SORCS2: variants seen among roughly 807,000 people sequenced by gnomAD.
SORCS2 encodes the protein sortilin related VPS10 domain containing receptor 2.
Under a neutral mutation model 141.6 loss-of-function variants are expected in SORCS2, and 100 were observed. That is an observed-to-expected ratio of 0.71 (90% confidence interval 0.60 to 0.83). The LOEUF is 0.83. SORCS2 is among the 40% of genes least tolerant of loss of function. The pLI is 0.00. For synonymous variants in SORCS2, 789 were observed against 676.9 expected (o/e 1.17, Z -2.57); for missense variants, 1,646 against 1,560.2 (o/e 1.05, Z -0.93).
At chr4:7,357,137 C>G (rs912855550) in intron 1 of SORCS2, among the ~76,000 whole-genome samples, 19 of 152,282 alleles carry the variant, frequency 1.2e-4, no homozygotes, top group African/African-American at 4.3e-4. Context: ...GGTGCAGCCA[C>G]ACTTCCTCCT....
chr4:7,225,428 C>T (rs558525502), intron 1 of SORCS2, among the ~76,000 whole-genome samples: 16 of 152,208 alleles, frequency 1.1e-4, no homozygotes, highest in African/African-American at 2.4e-4. Context: ...TTGCGAAATC[C>T]GAAGCATGAC....
intron 2 of SORCS2, among the ~76,000 whole-genome samples, chr4:7,454,066 G>C (rs1728686168): frequency 8.1e-6 from 1 of 123,090 alleles, no homozygotes; most frequent in African/African-American, 3.2e-5. Context: ...GTCAGGAGCT[G>C]TGTGTTGGGG....
chr4:7,232,811 C>T lies in SORCS2; in HGVS notation c.480+39685C>T, dbSNP rs112411263. Among the ~76,000 whole-genome samples the T allele has an allele frequency of 1.4e-3, 208 of 152,298 alleles. 1 individual carries two copies. The highest frequency in any genetic ancestry group is 4.5e-3 in the African/African-American group (188 of 41,570). On this transcript the variant is annotated intron_variant, in intron 1 of 26. Coordinates refer to ENST00000507866, the MANE Select transcript of SORCS2 (RefSeq NM_020777.3). The stretch of plus-strand genomic sequence containing the variant: ...ATGCCATGGGGGTGCCCAGGGCACC[C>T]GGTTCAATTCTGCCCAACAGACTGT...
At chr4:7,444,242 C>T (rs915829534) in intron 2 of SORCS2, among the ~76,000 whole-genome samples, 4 of 152,154 alleles carry the variant, frequency 2.6e-5, no homozygotes, top group Non-Finnish European at 2.9e-5. Context: ...AGACAGAAAC[C>T]CTGTACTCTT....
intron 4 of SORCS2, among the ~76,000 whole-genome samples, chr4:7,641,802 ATGGATGGATGGATGGG>A (rs1720746176): frequency 8.9e-6 from 1 of 111,916 alleles, no homozygotes; most frequent in African/African-American, 3.0e-5. Flanking sequence ...GGATGGATGG[ATGGATGGATGGATGGG>A]TGGGTGGATG....
chr4:7,281,911 A>C (rs894436467), intron 1 of SORCS2, among the ~76,000 whole-genome samples: 1 of 152,140 alleles, frequency 6.6e-6, no homozygotes, highest in African/African-American at 2.4e-5. Flanking sequence ...GACTCGTGAC[A>C]TGGTGGCCAT....
chr4:7,727,361 C>T (rs1011064963), intron 21 of SORCS2, among the ~76,000 whole-genome samples: 2 of 152,204 alleles, frequency 1.3e-5, no homozygotes, highest in African/African-American at 4.8e-5. Context: ...TATCTGTGCT[C>T]ACTGGGGGCT....
At position 7,547,036 on chromosome 4, in the gene SORCS2, C is replaced by T. The variant is rs561773399; in HGVS notation, c.648+15407C>T. On this transcript the variant is annotated intron_variant, in intron 3 of 26. Coordinates refer to ENST00000507866, the MANE Select transcript of SORCS2 (RefSeq NM_020777.3). Reference sequence around the variant, plus strand: ...ATGCTGCTGCCTGTTTTTTAACAACCCCTGCTTTCTGGTGCCGAGAAACAC... The same window carrying T: ...ATGCTGCTGCCTGTTTTTTAACAACTCCTGCTTTCTGGTGCCGAGAAACAC... Among the ~76,000 whole-genome samples the T allele has an allele frequency of 2.0e-5, 3 of 152,240 alleles. No homozygotes were observed. The South Asian group carries it at 6.2e-4, about 32-fold the overall frequency.
chr4:7,321,016 C>G (rs1212827892), intron 1 of SORCS2, among the ~76,000 whole-genome samples: 1 of 151,384 alleles, frequency 6.6e-6, no homozygotes, highest in Non-Finnish European at 1.5e-5. Flanking sequence ...GTGGGGAAGT[C>G]TGAGATTTTA....
chr4:7,480,960 T>C (rs948089304), intron 2 of SORCS2, among the ~76,000 whole-genome samples: 5 of 152,198 alleles, frequency 3.3e-5, no homozygotes, highest in African/African-American at 9.6e-5. Flanking sequence ...ACAGAAAAGA[T>C]AGGCCTGTGA....
intron 17 of SORCS2, among the ~76,000 whole-genome samples, chr4:7,717,522 T>G (rs6446618): frequency 0.97 from 148,138 of 152,312 alleles, 72,176 homozygotes; most frequent in East Asian, 1. Context: ...CCCAATCCAG[T>G]TCTCTCAAGG....
chr4:7,483,703 C>T lies in SORCS2; in HGVS notation c.549-47827C>T, dbSNP rs951269724. Among the ~76,000 whole-genome samples, 9 of 151,432 alleles carry T rather than the reference C, an allele frequency of 5.9e-5. No individual in the cohort carries two copies. The South Asian group carries it at 1.3e-3, about 21-fold the overall frequency. On this transcript the variant is annotated intron_variant, in intron 2 of 26. Coordinates refer to ENST00000507866, the MANE Select transcript of SORCS2 (RefSeq NM_020777.3). ...CTGGGAGGGAGTATTCCTGTGTTTC[C>T]GTACCCTCTTGGGAAACTGAGGCCA... is the stretch of plus-strand genomic sequence containing the variant.
intron 1 of SORCS2, among the ~76,000 whole-genome samples, chr4:7,257,852 C>T (rs144626418): frequency 0.012 from 1,881 of 152,266 alleles, 19 homozygotes; most frequent in Non-Finnish European, 0.021. Context: ...GTTCAGTCAA[C>T]GAGAGGCGCC....
intron 1 of SORCS2, among the ~76,000 whole-genome samples, chr4:7,316,410 A>G (rs1433523533): frequency 2.0e-5 from 3 of 152,188 alleles, no homozygotes; most frequent in Admixed American, 2.0e-4. Context: ...TCCATTGACA[A>G]TCTTCTATAT....
intron 1 of SORCS2, among the ~76,000 whole-genome samples, chr4:7,216,552 G>A (rs1728361139): frequency 6.6e-6 from 1 of 152,130 alleles, no homozygotes; most frequent in African/African-American, 2.4e-5. Context: ...AGGCTCCAGG[G>A]GAGATTGCCT....
chr4:7,422,287 G>A (rs1443179449), intron 2 of SORCS2, among the ~76,000 whole-genome samples: 3 of 152,158 alleles, frequency 2.0e-5, no homozygotes, highest in Non-Finnish European at 2.9e-5. Context: ...GGGCCATGCC[G>A]TTCTCTGGGA....
At chr4:7,424,514 C>A (rs973909900) in intron 2 of SORCS2, among the ~76,000 whole-genome samples, 1 of 152,208 alleles carries the variant, frequency 6.6e-6, no homozygotes, top group Non-Finnish European at 1.5e-5. Context: ...GGAGGAAATG[C>A]AGGCTTGGAA....
chr4:7,701,352 T>A (rs1355804454), intron 12 of SORCS2, among the ~76,000 whole-genome samples: 1 of 152,150 alleles, frequency 6.6e-6, no homozygotes, highest in Non-Finnish European at 1.5e-5. Flanking sequence ...GATCCTCTCT[T>A]CTTTATCCAA....
Position 7,343,304 on chromosome 4 carries a change from G to A in SORCS2, c.481-52984G>A, listed in dbSNP as rs112979767. ...TCATGCCAAAGTGAAGGCCTGGGAC[G>A]TTGGAATCAGCTGGGTTTGGGTTCA... is the stretch of plus-strand genomic sequence containing the variant. On this transcript the variant is annotated intron_variant, in intron 1 of 26. Transcript: ENST00000507866. Among the ~76,000 whole-genome samples the A allele has an allele frequency of 1.8e-3, 268 of 152,326 alleles. 4 individuals carry two copies. The highest frequency in any genetic ancestry group is 6.3e-3 in the African/African-American group (261 of 41,580).
Sources: gnomAD v4.1 joint callset for allele counts (sites outside exome capture counted in the v4.1 genomes callset) on GRCh38, gnomAD v4.1.1 for gene constraint, MANE v1.5 for transcripts, NCBI Gene and HGNC (gene_info 2026-07-23, HGNC 2026-07-21) for gene names.